OSMR: variants seen among roughly 807,000 people sequenced by gnomAD.
The protein encoded by OSMR is oncostatin M receptor, also known as oncostatin-M-specific receptor subunit beta.
OSMR carries 81 observed loss-of-function variants against 99.9 expected under a neutral mutation model. That is an observed-to-expected ratio of 0.81 (90% CI 0.68 to 0.97). OSMR has a LOEUF of 0.97. Ranked by LOEUF, OSMR falls within the 50% of genes least tolerant of loss-of-function variation. The pLI is 0.00. For missense variants in OSMR, 1,099 were observed against 1,153.4 expected (o/e 0.95, Z 0.68); for synonymous variants, 406 against 410.4 (o/e 0.99, Z 0.13).
downstream of OSMR, chr5:38,938,270 A>C (rs1050393963): frequency 1.3e-5 from 3 of 227,526 alleles, no homozygotes; most frequent in Non-Finnish European, 2.6e-5. Context: ...GTGGTTAGAG[A>C]GCATTAAGTC....
At chr5:38,849,567 C>A (rs1740192673) in intron 1 of OSMR, among the ~76,000 whole-genome samples, 1 of 151,474 alleles carries the variant, frequency 6.6e-6, no homozygotes, top group South Asian at 2.1e-4. Context: ...TTTAAAACAA[C>A]TTTTTTTATA....
At chr5:38,881,049 C>T (rs1426200076) in intron 3 of OSMR, among the ~76,000 whole-genome samples, 2 of 152,076 alleles carry the variant, frequency 1.3e-5, no homozygotes, top group Admixed American at 1.3e-4. Flanking sequence ...AGACAGAAAA[C>T]CAGGGGAGAC....
In OSMR at chr5:38,901,930, T is replaced by A. The variant is rs144317336; in HGVS notation, c.992-1952T>A. 1.2e-3 allele frequency among the ~76,000 whole-genome samples: 187 copies of A among 152,264 alleles called. 1 individual carries two copies. The highest frequency in any genetic ancestry group is 4.3e-3 in the African/African-American group (179 of 41,542). The stretch of plus-strand genomic sequence containing the variant: ...AGGCCTACCAGCTGCTGGGCCTCAT[T>A]TTTATTAGAGGATGCCACAAGAGAC... On this transcript the variant is annotated intron_variant, in intron 7 of 17. Transcript: ENST00000274276.
chr5:38,901,463 G>C (rs964715900), intron 7 of OSMR, among the ~76,000 whole-genome samples: 5 of 152,182 alleles, frequency 3.3e-5, no homozygotes, highest in African/African-American at 1.2e-4. Context: ...AATTTGATTG[G>C]TGGAGTTTGC....
At chr5:38,909,310 CA>C (rs1436055288) in intron 9 of OSMR, among the ~76,000 whole-genome samples, 5 of 152,308 alleles carry the variant, frequency 3.3e-5, no homozygotes, top group South Asian at 2.1e-4. Context: ...ATATTATTCA[CA>C]AAAATTTCCC....
At position 38,898,215 on chromosome 5, in the gene OSMR, G is replaced by C. The variant is rs747489415; in HGVS notation, c.992-5667G>C. Among the ~76,000 whole-genome samples the C allele has an allele frequency of 5.3e-5, 8 of 152,228 alleles. 1 individual carries two copies. In the Middle Eastern group the frequency reaches 0.021, roughly 391 times the overall value. On this transcript the variant is annotated intron_variant, in intron 7 of 17. Coordinates refer to ENST00000274276, the MANE Select transcript of OSMR (RefSeq NM_003999.3). ...AAATGGGGTGTTTAAGTCTTCAGCT[G>C]TTGTTGTATTAGGGTCCATCGTTCT...
intron 3 of OSMR, among the ~76,000 whole-genome samples, chr5:38,879,253 G>A (rs1001804441): frequency 6.6e-5 from 10 of 152,382 alleles, no homozygotes; most frequent in Non-Finnish European, 8.8e-5. Context: ...CTGAAAGCCC[G>A]CTGTGGTGCT....
At position 38,885,452 on chromosome 5, in the gene OSMR, A is replaced by G. The variant is rs751084854; in HGVS notation, c.807A>G (p.Lys269=). ...CGGACACTGCCTTGGGGTGGTCTAA[A>G]CAACCTTCCCAAAGCTACACTTTAT... ...PGTDTALGWS[K]QPSQSYTLFE... Residue 269 remains lysine, a synonymous_variant, in exon 6 of 18, where the codon AAA becomes AAG. Coordinates refer to ENST00000274276, the MANE Select transcript of OSMR (RefSeq NM_003999.3). 2 of 1,614,076 alleles carry G rather than the reference A, an allele frequency of 1.2e-6. No homozygotes were observed. Among genetic ancestry groups the G allele is most frequent in the Non-Finnish European group, 8.5e-7 (1 of 1,179,934 alleles).
rs867485740 is a variant in OSMR at position 38,876,299 on chromosome 5, C to T, written c.172C>T (p.Pro58Ser). The change falls in exon 3 of 18, where the codon CCT (proline) becomes TCT (serine). Residue 58 changes from proline (P) to serine (S), a missense_variant. By Grantham distance (74) the Pro-to-Ser change is moderately conservative. Transcript: ENST00000274276. The stretch of plus-strand genomic sequence containing the variant: ...CTTACAATGGACTGTCCACAACCTT[C>T]CTTATCATCAGGAATTGAAAATGGT... ...LHLQWTVHNL[P>S]YHQELKMVFQ... The T allele has an allele frequency of 1.2e-6, 2 of 1,613,360 alleles. No individual in the cohort carries two copies. The highest frequency in any genetic ancestry group is 4.5e-5 in the East Asian group (2 of 44,830).
rs78514247 is a variant in OSMR, at chr5:38,926,160, C to T, written c.2212+789C>T. Among the ~76,000 whole-genome samples the T allele has an allele frequency of 2.0e-3, 307 of 152,202 alleles. 1 individual carries two copies. The highest frequency in any genetic ancestry group is 7.1e-3 in the African/African-American group (295 of 41,536). On this transcript the variant is annotated intron_variant, in intron 15 of 17. Transcript: ENST00000274276. ...CTTCAGTGAGGGGATCATAGAAGATCCTGGAAGGCACCCATGAAAAGCAAA... is the reference window on the plus strand; with the variant it reads ...CTTCAGTGAGGGGATCATAGAAGATTCTGGAAGGCACCCATGAAAAGCAAA...
intron 1 of OSMR, among the ~76,000 whole-genome samples, chr5:38,868,272 G>T (rs1228242639): frequency 1.3e-5 from 2 of 152,152 alleles, no homozygotes. Flanking sequence ...GGGTTGGCTG[G>T]CTGCTGGCTG....
chr5:38,919,401 T>G (rs1203254330), intron 11 of OSMR: 2 of 1,268,300 alleles, frequency 1.6e-6, no homozygotes, highest in Non-Finnish European at 2.1e-6. Context: ...CTTTGTGGCT[T>G]GTGAAATAGG....
intron 13 of OSMR, among the ~76,000 whole-genome samples, chr5:38,923,693 A>T (rs749905021): frequency 2.7e-4 from 41 of 151,844 alleles, no homozygotes; most frequent in Non-Finnish European, 7.4e-5. Context: ...AGTGGAGGGG[A>T]TTTTTGATCC....
In OSMR at chr5:38,895,965, T is replaced by A. The variant is rs902607538; in HGVS notation, c.992-7917T>A. 3.9e-5 allele frequency among the ~76,000 whole-genome samples: 6 copies of A among 152,024 alleles called. No homozygotes were observed. The East Asian group carries it at 5.8e-4, about 15-fold the overall frequency. ...TTGTAAAAAATAAGTTTACTGTAGA[T>A]GTTTGGATTTATTTGGGGTACTCTA... On this transcript the variant is annotated intron_variant, in intron 7 of 17. Transcript: ENST00000274276.
Position 38,931,884 on chromosome 5 carries a change from C to G in OSMR, c.2214C>G (p.Ser738=). The change falls in exon 16 of 18, where the codon TCC becomes TCG. Residue 738 remains serine, a splice_region_variant and synonymous_variant. Coordinates refer to ENST00000274276, the MANE Select transcript of OSMR (RefSeq NM_003999.3). The part of the protein sequence containing the change: ...FTKVTTPDEH[S]SMLIHILLPM... ...GTCCCTTTCTTTTTCCTCGTTCAGC[C>G]TCGATGCTGATTCATATCCTACTGC... 8 of 1,612,638 alleles carry G rather than the reference C, an allele frequency of 5.0e-6. No individual in the cohort carries two copies. Among genetic ancestry groups the G allele is most frequent in the Non-Finnish European group, 5.1e-6 (6 of 1,178,772 alleles).
chr5:38,932,064 G>A (rs758679115), intron 16 of OSMR, 100 bp downstream of exon 16: 41 of 937,914 alleles, frequency 4.4e-5, no homozygotes, highest in Admixed American at 1.3e-4. Context: ...ATGAAACAAC[G>A]TATAAAAAAG....
intron 7 of OSMR, among the ~76,000 whole-genome samples, chr5:38,891,902 C>A (rs1014327723): frequency 1.3e-5 from 2 of 152,126 alleles, no homozygotes; most frequent in Admixed American, 1.3e-4. Flanking sequence ...TGTGGCTCTG[C>A]GTTCCTCCAG....
In OSMR at chr5:38,881,617, T is replaced by G; in HGVS notation, c.271T>G (p.Trp91Gly). 6.2e-7 allele frequency: 1 copy of G among 1,614,144 alleles called. No homozygotes were observed. The highest frequency in any genetic ancestry group is 8.5e-7 in the Non-Finnish European group (1 of 1,179,986). ...GGGGAATTACAGCACCACTGTGAAG[T>G]GGAACCAGGTTCTGCATTGGAGCTG... ...WVGNYSTTVKWNQVLHWSWES... is the reference protein window; with the variant it reads ...WVGNYSTTVKGNQVLHWSWES... Residue 91 changes from tryptophan to glycine, a missense_variant, in exon 4 of 18, where the codon TGG becomes GGG. Trp to Gly is a radical substitution (Grantham distance 184). Transcript: ENST00000274276.
At chr5:38,858,602 T>C (rs1418329506) in intron 1 of OSMR, among the ~76,000 whole-genome samples, 1 of 152,218 alleles carries the variant, frequency 6.6e-6, no homozygotes, top group East Asian at 1.9e-4. Flanking sequence ...TATATACTTA[T>C]TTCTTTTCCT....
Sources: gnomAD v4.1 joint callset for allele counts (sites outside exome capture counted in the v4.1 genomes callset) on GRCh38, gnomAD v4.1.1 for gene constraint, MANE v1.5 for transcripts, NCBI Gene and HGNC (gene_info 2026-07-23, HGNC 2026-07-21) for gene names.